OPCML: variants seen among roughly 807,000 people sequenced by gnomAD.
The protein encoded by OPCML is opioid binding protein/cell adhesion molecule like.
In OPCML, 13 loss-of-function variants were observed where a neutral mutation model predicts 37.8. The ratio of observed to expected loss-of-function variants is 0.34; its 90% CI spans 0.22 to 0.55. OPCML has a LOEUF of 0.55. Ranked by LOEUF, OPCML falls within the 20% of genes least tolerant of loss-of-function variation. The pLI is 0.91. For missense variants in OPCML, 341 were observed against 435.6 expected (o/e 0.78, Z 1.93); for synonymous variants, 176 against 168.8 (o/e 1.04, Z -0.33).
At chr11:132,582,763 C>T (rs530563227) in intron 3 of OPCML, among the ~76,000 whole-genome samples, 15 of 151,248 alleles carry the variant, frequency 9.9e-5, no homozygotes, top group Non-Finnish European at 1.5e-4. Flanking sequence ...AAGAGGTAAT[C>T]GTTCAGTCAT....
chr11:132,693,239 C>G (rs1378379190), intron 2 of OPCML, among the ~76,000 whole-genome samples: 1 of 152,194 alleles, frequency 6.6e-6, no homozygotes, highest in African/African-American at 2.4e-5. Flanking sequence ...GAGTGGAAGA[C>G]TGTGCTCTAA....
At chr11:132,612,188 A>G (rs1311509621) in intron 3 of OPCML, among the ~76,000 whole-genome samples, 6 of 152,206 alleles carry the variant, frequency 3.9e-5, no homozygotes, top group Admixed American at 1.3e-4. Context: ...GTTTTCTCAC[A>G]CTAAGTTACC....
chr11:133,494,818 A>C (rs958837290), intron 1 of OPCML, among the ~76,000 whole-genome samples: 1 of 150,832 alleles, frequency 6.6e-6, no homozygotes, highest in Non-Finnish European at 1.5e-5. Context: ...ACATGTATAC[A>C]TATGTAACTA....
intron 1 of OPCML, among the ~76,000 whole-genome samples, chr11:132,949,841 A>T (rs1342174410): frequency 1.3e-5 from 2 of 152,160 alleles, no homozygotes; most frequent in African/African-American, 4.8e-5. Context: ...GGGGAAAAAG[A>T]CCATAAAAAG....
chr11:133,361,238 G>A (rs969264699), intron 1 of OPCML: 1 of 152,342 alleles, frequency 6.6e-6, no homozygotes, highest in African/African-American at 2.4e-5. Flanking sequence ...CCTGAGTGAC[G>A]GTTATTCAGC....
intron 3 of OPCML, among the ~76,000 whole-genome samples, chr11:132,561,360 A>C: frequency 6.6e-6 from 1 of 152,152 alleles, no homozygotes; most frequent in East Asian, 1.9e-4. Context: ...CTGGGTCCTC[A>C]TCTCCTCCAT....
Position 132,588,693 on chromosome 11 carries a change from G to A in OPCML, c.380-59507C>T, listed in dbSNP as rs1177386975. Reference sequence around the variant, plus strand: ...TTACATGTAGGACTTCCATGTGTAAGGCTGGGCCCACTCAGGAGAGAATCC... The same window carrying A: ...TTACATGTAGGACTTCCATGTGTAAAGCTGGGCCCACTCAGGAGAGAATCC... On this transcript the variant is annotated intron_variant, in intron 3 of 7. Transcript: ENST00000524381. 2.6e-5 allele frequency among the ~76,000 whole-genome samples: 4 copies of A among 152,172 alleles called. No homozygotes were observed. In the East Asian group the frequency reaches 5.8e-4, roughly 22 times the overall value.
At chr11:133,222,807 C>A (rs375010771) in intron 1 of OPCML, among the ~76,000 whole-genome samples, 18 of 150,642 alleles carry the variant, frequency 1.2e-4, no homozygotes, top group Non-Finnish European at 2.2e-4. Context: ...GTGGGGGGAG[C>A]AAAGGGGGGC....
In OPCML at chr11:133,496,193, A is replaced by G. The variant is rs148300103; in HGVS notation, c.61+36071T>C. 3.2e-3 allele frequency among the ~76,000 whole-genome samples: 492 copies of G among 152,230 alleles called. 2 individuals carry two copies. The highest frequency in any genetic ancestry group is 0.011 in the African/African-American group (472 of 41,546). On this transcript the variant is annotated intron_variant, in intron 1 of 7. Coordinates refer to ENST00000524381, the MANE Select transcript of OPCML (RefSeq NM_001012393.5). ...ACTTTATGTTTTTGTTTGCTTTGTCAAAGATTAGTTGGCTATAAGTATTTG... is the reference window on the plus strand; with the variant it reads ...ACTTTATGTTTTTGTTTGCTTTGTCGAAGATTAGTTGGCTATAAGTATTTG...
At chr11:133,320,747 A>C (rs1280980820) in intron 1 of OPCML, among the ~76,000 whole-genome samples, 1 of 152,194 alleles carries the variant, frequency 6.6e-6, no homozygotes, top group African/African-American at 2.4e-5. Context: ...AGTATGGGTC[A>C]CCCCACAATT....
At chr11:133,253,273 C>A (rs1260411985) in intron 1 of OPCML, among the ~76,000 whole-genome samples, 1 of 151,950 alleles carries the variant, frequency 6.6e-6, no homozygotes, top group African/African-American at 2.4e-5. Flanking sequence ...CTTTTGGGGT[C>A]TTCCTGTGAG....
intron 1 of OPCML, among the ~76,000 whole-genome samples, chr11:133,379,614 T>C (rs1414850358): frequency 2.0e-5 from 3 of 152,246 alleles, no homozygotes; most frequent in Non-Finnish European, 4.4e-5. Context: ...TCTTTCACTT[T>C]AATTTCTGGC....
intron 2 of OPCML, among the ~76,000 whole-genome samples, chr11:132,937,089 T>C (rs1486737847): frequency 1.3e-5 from 2 of 152,140 alleles, no homozygotes; most frequent in Admixed American, 6.5e-5. Flanking sequence ...TTCCCGTTAA[T>C]AATAAGTAAT....
At chr11:132,479,121 T>C (rs1592236945) in intron 4 of OPCML, among the ~76,000 whole-genome samples, 1 of 152,034 alleles carries the variant, frequency 6.6e-6, no homozygotes, top group African/African-American at 2.4e-5. Flanking sequence ...CCATCTGAGG[T>C]AACGGGTTCA....
intron 1 of OPCML, among the ~76,000 whole-genome samples, chr11:133,493,844 C>G (rs1304252913): frequency 1.3e-5 from 2 of 151,950 alleles, no homozygotes; most frequent in African/African-American, 4.8e-5. Flanking sequence ...ACGTTTAAGT[C>G]TTTAAAATTG....
chr11:133,083,333 G>A (rs1360498550), intron 1 of OPCML, among the ~76,000 whole-genome samples: 2 of 152,058 alleles, frequency 1.3e-5, no homozygotes, highest in Non-Finnish European at 2.9e-5. Context: ...CCGAGGCCCC[G>A]CGACCGCATG....
At chr11:133,250,395 A>AGAAGGAAAGAAGAAGGAAGGAAG (rs1941086320) in intron 1 of OPCML, among the ~76,000 whole-genome samples, 1 of 151,660 alleles carries the variant, frequency 6.6e-6, no homozygotes, top group African/African-American at 2.4e-5. Flanking sequence ...GAAGGAAGAA[A>AGAAGGAAAGAAGAAGGAAGGAAG]GAAGGAAAGA....
chr11:133,073,068 G>A (rs1342941426), intron 1 of OPCML, among the ~76,000 whole-genome samples: 2 of 152,194 alleles, frequency 1.3e-5, no homozygotes, highest in Non-Finnish European at 2.9e-5. Context: ...GCTCAGTCCT[G>A]AACAGCCTTC....
chr11:133,456,803 A>C (rs545874623), intron 1 of OPCML, among the ~76,000 whole-genome samples: 22 of 151,966 alleles, frequency 1.4e-4, no homozygotes, highest in Non-Finnish European at 2.9e-4. Flanking sequence ...AAATTCACTG[A>C]ACTTCAAGAC....
Sources: allele counts gnomAD v4.1 joint callset (sites outside exome capture counted in the v4.1 genomes callset), GRCh38; gene constraint gnomAD v4.1.1; transcripts MANE v1.5; gene names NCBI Gene and HGNC (gene_info 2026-07-23, HGNC 2026-07-21).